The following GSE1 variants were observed in gnomAD, a reference collection of about 807,000 sequenced individuals.
GSE1 encodes Gse1 coiled-coil protein, also known as genetic suppressor element 1.
Under a neutral mutation model 112.6 loss-of-function variants are expected in GSE1, and 32 were observed. The observed-to-expected ratio is 0.28, with a 90% CI of 0.21 to 0.38. The LOEUF (loss-of-function observed/expected upper bound fraction) is 0.38. Ranked by LOEUF, GSE1 falls within the 10% of genes least tolerant of loss-of-function variation. The pLI, the probability that GSE1 is intolerant of heterozygous loss-of-function variation, is 1.00. For synonymous variants in GSE1, 1,115 were observed against 735.6 expected (o/e 1.52, Z -8.35); for missense variants, 2,348 against 1,699.2 (o/e 1.38, Z -6.71).
At chr16:85,451,153 G>A (rs945700834) in intron 2 of GSE1, among the ~76,000 whole-genome samples, 4 of 150,290 alleles carry the variant, frequency 2.7e-5, no homozygotes, top group East Asian at 2.0e-4. Flanking sequence ...TTTTTAGAGC[G>A]TACCAGTTGG....
chr16:85,295,995 G>C (rs1212512120), intron 1 of GSE1, among the ~76,000 whole-genome samples: 3 of 152,122 alleles, frequency 2.0e-5, no homozygotes, highest in Non-Finnish European at 4.4e-5. Flanking sequence ...CAGCCTTTTG[G>C]AGCACCCATC....
intron 2 of GSE1, among the ~76,000 whole-genome samples, chr16:85,548,053 C>T (rs1401445040): frequency 6.6e-6 from 1 of 151,648 alleles, no homozygotes; most frequent in East Asian, 1.9e-4. Context: ...TGGTGAAACG[C>T]TGTCTCTACT....
chr16:85,256,686 C>T (rs747025414), intron 1 of GSE1, among the ~76,000 whole-genome samples: 2 of 152,276 alleles, frequency 1.3e-5, no homozygotes, highest in South Asian at 2.1e-4. Flanking sequence ...CATGTCTGTC[C>T]CCGTCACGGG....
chr16:85,502,759 G>A (rs1466340450), intron 2 of GSE1, among the ~76,000 whole-genome samples: 1 of 152,258 alleles, frequency 6.6e-6, no homozygotes, highest in Admixed American at 6.5e-5. Flanking sequence ...TGTCCGTGGA[G>A]CCGGGAAGGA....
intron 1 of GSE1, among the ~76,000 whole-genome samples, chr16:85,314,550 G>A (rs1359761607): frequency 2.6e-5 from 4 of 152,102 alleles, no homozygotes; most frequent in Non-Finnish European, 5.9e-5. Flanking sequence ...GCACACACAT[G>A]AGCATGTACA....
intron 1 of GSE1, among the ~76,000 whole-genome samples, chr16:85,337,618 T>C (rs945791335): frequency 1.3e-5 from 2 of 152,148 alleles, no homozygotes; most frequent in African/African-American, 4.8e-5. Flanking sequence ...CTCAGGACTT[T>C]CAAGCAGGGA....
chr16:85,630,938 G>A (rs1269281796), intron 1 of GSE1, among the ~76,000 whole-genome samples: 4 of 152,192 alleles, frequency 2.6e-5, no homozygotes, highest in Non-Finnish European at 4.4e-5. Context: ...CCTCTCCTGG[G>A]CTCATTGTGA....
intron 1 of GSE1, among the ~76,000 whole-genome samples, chr16:85,184,316 C>G (rs1046731701): frequency 6.6e-6 from 1 of 152,218 alleles, no homozygotes; most frequent in African/African-American, 2.4e-5. Context: ...TCTGATGTCT[C>G]TACTCCCCCT....
intron 2 of GSE1, among the ~76,000 whole-genome samples, chr16:85,424,352 C>T (rs1408551512): frequency 6.6e-6 from 1 of 152,184 alleles, no homozygotes; most frequent in East Asian, 1.9e-4. Context: ...CCTGTTCGGC[C>T]CGGGGCTCAT....
intron 1 of GSE1, among the ~76,000 whole-genome samples, chr16:85,248,737 T>TC (rs1445726315): frequency 2.6e-5 from 4 of 152,132 alleles, no homozygotes; most frequent in Non-Finnish European, 2.9e-5. Context: ...TGGAGCCATC[T>TC]CCCCCCATTG....
chr16:85,553,209 GC>G (rs1567582039), upstream of GSE1, among the ~76,000 whole-genome samples: 1 of 150,700 alleles, frequency 6.6e-6, no homozygotes, highest in African/African-American at 2.4e-5. Context: ...GAAAGCGGGG[GC>G]TGGAGCGGAG....
chr16:85,519,740 C>T (rs1049848223), intron 2 of GSE1, among the ~76,000 whole-genome samples: 2 of 77,300 alleles, frequency 2.6e-5, no homozygotes, highest in Admixed American at 2.7e-4. Context: ...ACCATCACCA[C>T]CATCAGCATC....
chr16:85,268,308 G>T (rs116743029), intron 1 of GSE1, among the ~76,000 whole-genome samples: 1 of 151,968 alleles, frequency 6.6e-6, no homozygotes, highest in Non-Finnish European at 1.5e-5. Context: ...TACTCCCCCC[G>T]CAGTCCTCCT....
chr16:85,507,315 G>T (rs118034134), intron 2 of GSE1, among the ~76,000 whole-genome samples: 1 of 152,144 alleles, frequency 6.6e-6, no homozygotes, highest in Non-Finnish European at 1.5e-5. Context: ...GAAACTGAGC[G>T]GGGGGCTGTG....
At chr16:85,185,830 G>C (rs990211883) in intron 1 of GSE1, among the ~76,000 whole-genome samples, 1 of 152,246 alleles carries the variant, frequency 6.6e-6, no homozygotes, top group Non-Finnish European at 1.5e-5. Flanking sequence ...CCTCCCTGGG[G>C]CATTCTGGGA....
At chr16:85,591,012 A>G (rs1004434766) in intron 1 of GSE1, among the ~76,000 whole-genome samples, 2 of 152,190 alleles carry the variant, frequency 1.3e-5, no homozygotes, top group Non-Finnish European at 2.9e-5. Context: ...AGCAGGGCAC[A>G]GGGCATTTGA....
intron 1 of GSE1, among the ~76,000 whole-genome samples, chr16:85,350,731 G>C (rs776294144): frequency 6.6e-6 from 1 of 152,198 alleles, no homozygotes; most frequent in Non-Finnish European, 1.5e-5. Flanking sequence ...AGAAGAGTTC[G>C]TTGAATTTCC....
chr16:85,553,327 G>A (rs564159297), upstream of GSE1, among the ~76,000 whole-genome samples: 2 of 150,798 alleles, frequency 1.3e-5, no homozygotes, highest in East Asian at 1.9e-4. Context: ...CGGGTGCAAG[G>A]GGAGGCGCAG....
At chr16:85,478,311 G>C (rs1374214433) in intron 2 of GSE1, among the ~76,000 whole-genome samples, 2 of 152,020 alleles carry the variant, frequency 1.3e-5, no homozygotes, top group Non-Finnish European at 2.9e-5. Context: ...CAGATCACTT[G>C]AGACCAGGAG....
Sources: allele counts gnomAD v4.1 joint callset (sites outside exome capture counted in the v4.1 genomes callset), GRCh38; gene constraint gnomAD v4.1.1; transcripts MANE v1.5; gene names NCBI Gene and HGNC (gene_info 2026-07-23, HGNC 2026-07-21).